Variants in KHDRBS2 observed in about 807,000 individuals in gnomAD.
KHDRBS2 encodes KH domain-containing, RNA-binding, signal transduction-associated protein 2.
A neutral mutation model predicts 44.3 loss-of-function variants in KHDRBS2; 26 were observed. That is an observed-to-expected ratio of 0.59 (90% confidence interval 0.43 to 0.81). KHDRBS2 has a LOEUF of 0.81. Ranked by LOEUF, KHDRBS2 falls within the 40% of genes least tolerant of loss-of-function variation. The probability of loss-of-function intolerance (pLI) is 0.00; values close to 1 mark genes in which losing one functional copy is unlikely to be tolerated. For synonymous variants in KHDRBS2, 194 were observed against 151.1 expected (o/e 1.28, Z -2.08); for missense variants, 476 against 433.1 (o/e 1.10, Z -0.88).
intron 4 of KHDRBS2, among the ~76,000 whole-genome samples, chr6:61,909,701 T>G (rs1456128703): frequency 1.3e-5 from 2 of 152,180 alleles, no homozygotes; most frequent in Non-Finnish European, 2.9e-5. Context: ...TCTGCATATT[T>G]AATGTATATG....
intron 3 of KHDRBS2, among the ~76,000 whole-genome samples, chr6:62,000,503 A>G (rs1398730978): frequency 6.6e-6 from 1 of 152,222 alleles, no homozygotes; most frequent in African/African-American, 2.4e-5. Context: ...ATATTTGTCA[A>G]ACAAGTGATA....
intron 6 of KHDRBS2, among the ~76,000 whole-genome samples, chr6:61,869,489 G>A (rs1004410851): frequency 2.6e-5 from 4 of 152,098 alleles, no homozygotes; most frequent in African/African-American, 4.8e-5. Flanking sequence ...AATAATGTAC[G>A]TTAGGCAGAA....
At chr6:61,582,903 T>C in the KHDRBS2 span, among the ~76,000 whole-genome samples, 1 of 151,860 alleles carries the variant, frequency 6.6e-6, no homozygotes, top group African/African-American at 2.4e-5. Context: ...AATCTTTTCA[T>C]AATGAAAATT....
At chr6:61,622,085 C>G in the KHDRBS2 span, among the ~76,000 whole-genome samples, 1 of 152,196 alleles carries the variant, frequency 6.6e-6, no homozygotes. Flanking sequence ...TAGCTAAACT[C>G]TACACTTTTG....
chr6:61,950,162 GAA>G (rs1764447261), intron 4 of KHDRBS2, among the ~76,000 whole-genome samples: 2 of 151,972 alleles, frequency 1.3e-5, no homozygotes, highest in Admixed American at 1.3e-4. Context: ...TATACTGTAG[GAA>G]AAGACTCTCT....
intron 6 of KHDRBS2, among the ~76,000 whole-genome samples, chr6:61,784,402 T>C (rs1432851663): frequency 6.8e-6 from 1 of 147,576 alleles, no homozygotes; most frequent in Admixed American, 6.8e-5. Flanking sequence ...TATTTTGAAA[T>C]GGTAAACTAA....
chr6:61,872,272 TA>T (rs560429230), intron 6 of KHDRBS2, among the ~76,000 whole-genome samples: 19 of 152,114 alleles, frequency 1.2e-4, no homozygotes, highest in Non-Finnish European at 2.4e-4. Context: ...AGGAAGCAGT[TA>T]AAAAAACTGG....
intron 1 of KHDRBS2, among the ~76,000 whole-genome samples, chr6:62,226,596 T>C (rs1396322630): frequency 6.6e-6 from 1 of 152,238 alleles, no homozygotes. Context: ...GTTTTCCTCA[T>C]GAAGGCTTTG....
At chr6:61,964,093 G>A (rs1158161933) in intron 4 of KHDRBS2, among the ~76,000 whole-genome samples, 1 of 151,736 alleles carries the variant, frequency 6.6e-6, no homozygotes, top group African/African-American at 2.4e-5. Flanking sequence ...ACAAAATATC[G>A]GACCTCCTTG....
the KHDRBS2 span, among the ~76,000 whole-genome samples, chr6:61,572,589 A>C: frequency 1.5e-4 from 23 of 152,294 alleles, no homozygotes; most frequent in Middle Eastern, 0.01. Context: ...CTAGCTAACC[A>C]AATCCAAAAG....
At chr6:61,688,107 TTA>T (rs1767012036) in intron 8 of KHDRBS2, among the ~76,000 whole-genome samples, 1 of 151,892 alleles carries the variant, frequency 6.6e-6, no homozygotes, top group Admixed American at 6.6e-5. Context: ...CAAACATATT[TTA>T]TGCTTGACTC....
intron 2 of KHDRBS2, among the ~76,000 whole-genome samples, chr6:62,084,293 A>G (rs890540769): frequency 6.6e-6 from 1 of 152,216 alleles, no homozygotes; most frequent in African/African-American, 2.4e-5. Context: ...TCTGAAAAAT[A>G]AGAGACTACA....
In KHDRBS2 at chr6:61,680,958, G is replaced by T. The variant is rs1487087358; in HGVS notation, c.*5C>A. The T allele has an allele frequency of 6.3e-7, 1 of 1,590,214 alleles. No homozygotes were observed. The highest frequency in any genetic ancestry group is 8.6e-7 in the Non-Finnish European group (1 of 1,160,368). ...TTGAGGTGAGGTCACAGGTGGGAAGGACCTTCAATATCTACCATAGGGGTG... is the reference window on the plus strand; with the variant it reads ...TTGAGGTGAGGTCACAGGTGGGAAGTACCTTCAATATCTACCATAGGGGTG... On this transcript the variant is annotated 3_prime_UTR_variant, in exon 9 of 9. Transcript: ENST00000281156.
chr6:62,187,620 A>G (rs1306253981), intron 1 of KHDRBS2, among the ~76,000 whole-genome samples: 1 of 152,142 alleles, frequency 6.6e-6, no homozygotes, highest in African/African-American at 2.4e-5. Flanking sequence ...CCATCACTGC[A>G]ATTAGTATAC....
chr6:62,138,067 G>A (rs1332326595), intron 2 of KHDRBS2, among the ~76,000 whole-genome samples: 1 of 152,142 alleles, frequency 6.6e-6, no homozygotes, highest in Non-Finnish European at 1.5e-5. Context: ...TAACTGACGT[G>A]TGGGCTGACT....
intron 6 of KHDRBS2, among the ~76,000 whole-genome samples, chr6:61,793,695 A>T (rs1471561213): frequency 6.6e-6 from 1 of 152,216 alleles, no homozygotes; most frequent in East Asian, 1.9e-4. Context: ...TTCATAATTT[A>T]AAAAAGTTAA....
chr6:61,855,695 AT>A (rs1212095895), intron 6 of KHDRBS2, among the ~76,000 whole-genome samples: 1 of 151,812 alleles, frequency 6.6e-6, no homozygotes, highest in Admixed American at 6.6e-5. Flanking sequence ...TCAAGTCCAC[AT>A]AGACATAACC....
intron 2 of KHDRBS2, among the ~76,000 whole-genome samples, chr6:62,149,614 A>C (rs1468686254): frequency 6.6e-6 from 1 of 152,204 alleles, no homozygotes; most frequent in Non-Finnish European, 1.5e-5. Context: ...TTTCTTAACA[A>C]ATATTCATTA....
intron 4 of KHDRBS2, among the ~76,000 whole-genome samples, chr6:61,929,522 A>AC (rs1226241394): frequency 3.3e-5 from 5 of 152,044 alleles, no homozygotes; most frequent in African/African-American, 4.8e-5. Context: ...ATTTAGTAAG[A>AC]CCCCCCTCAG....
Sources: gnomAD v4.1 joint callset for allele counts (sites outside exome capture counted in the v4.1 genomes callset) on GRCh38, gnomAD v4.1.1 for gene constraint, MANE v1.5 for transcripts, NCBI Gene and HGNC (gene_info 2026-07-23, HGNC 2026-07-21) for gene names.